The following AFM variants were observed in gnomAD, a reference collection of about 807,000 sequenced individuals.
AFM encodes alpha-Alb.
Under a neutral mutation model 68.7 loss-of-function variants are expected in AFM, and 82 were observed. The observed-to-expected ratio is 1.19, with a 90% CI of 1.00 to 1.43. AFM has a LOEUF of 1.43. Among genes scored for constraint, AFM ranks in the 40% most tolerant of loss-of-function variants. The pLI is 0.00. For missense variants in AFM, 772 were observed against 701.8 expected, an observed-to-expected ratio of 1.10 and a Z score of -1.13; for synonymous variants, 250 against 234.2, an observed-to-expected ratio of 1.07 and a Z score of -0.61.
chr4:73,486,040 C>T lies in AFM; in HGVS notation c.449C>T (p.Ala150Val), dbSNP rs1720893684. 6.2e-7 allele frequency: 1 copy of T among 1,613,782 alleles called. No homozygotes were observed. The highest frequency in any genetic ancestry group is 1.7e-5 in the Admixed American group (1 of 59,976). The stretch of plus-strand genomic sequence containing the variant: ...CTGGATCCCGAAGAGAAATGCCAGG[C>T]TTATGAAAGTAACAGAGAATCCCTT... ...PTLDPEEKCQ[A>V]YESNRESLLN... is the part of the protein sequence containing the mutation. Residue 150 changes from alanine (A) to valine (V), a missense_variant, in exon 4 of 15, where the codon GCT becomes GTT. Physicochemically the swap from Ala to Val is moderately conservative, Grantham distance 64. Transcript: ENST00000226355.
chr4:73,501,940 C>T (rs772303345), intron 13 of AFM, 21 bp downstream of exon 13: 3 of 1,607,638 alleles, frequency 1.9e-6, no homozygotes, highest in Admixed American at 1.7e-5. Flanking sequence ...TTCTTTTCTA[C>T]TGAAATTCAA....
At chr4:73,486,924 C>T in intron 4 of AFM, 43 bp from the exon 5 acceptor site, 1 of 1,581,746 alleles carries the variant, frequency 6.3e-7, no homozygotes, top group South Asian at 1.1e-5. Flanking sequence ...CTTCCTGTTT[C>T]TTCCCTCACC....
Position 73,497,769 on chromosome 4 carries a change from G to GTTAGCCCACTTGT in AFM, c.1289+20_1289+21insTTAGCCCACTTGT. ...ATACCAGTATGTTGTTTGCACAAGT[G>GTTAGCCCACTTGT]GGCTAACACTTGCCACTAGAATTGA... On this transcript the variant is annotated intron_variant, in intron 10 of 14. Transcript: ENST00000226355. 3 of 1,473,348 alleles carry GTTAGCCCACTTGT rather than the reference G, an allele frequency of 2.0e-6. No individual in the cohort carries two copies. Among genetic ancestry groups the GTTAGCCCACTTGT allele is most frequent in the Non-Finnish European group, 2.8e-6 (3 of 1,067,780 alleles). The allele number at this position is 1,473,348 out of a possible 1,614,324, so 91.3% of individuals were successfully genotyped here. A position where few individuals can be genotyped will look rare whatever the true frequency, so the allele number is the denominator to read the frequency against.
In AFM at chr4:73,484,297, C is replaced by A. The variant is rs1205308933; in HGVS notation, c.177C>A (p.Thr59=). 1.2e-6 allele frequency: 2 copies of A among 1,613,294 alleles called. No individual in the cohort carries two copies. Among genetic ancestry groups the A allele is most frequent in the Non-Finnish European group, 1.7e-6 (2 of 1,179,750 alleles). The change falls in exon 3 of 15, where the codon ACC becomes ACA. Residue 59 remains threonine, a synonymous_variant. Coordinates refer to ENST00000226355, the MANE Select transcript of AFM (RefSeq NM_001133.2). ...IAFAQYVQEA[T]FEEMEKLVKD... ...TTGCTCAGTATGTTCAGGAAGCAACCTTTGAAGAAATGGAAAAGCTGGTGA... is the reference window on the plus strand; with the variant it reads ...TTGCTCAGTATGTTCAGGAAGCAACATTTGAAGAAATGGAAAAGCTGGTGA...
chr4:73,484,261 C>T lies in AFM; in HGVS notation c.141C>T (p.Thr47=). Residue 47 remains threonine (T), a synonymous_variant, in exon 3 of 15, where the codon ACC becomes ACT. Coordinates refer to ENST00000226355, the MANE Select transcript of AFM (RefSeq NM_001133.2). ...TACCCCATGTGAACTGTTGCAGCAC[C>T]ATCATTGCATTTGCTCAGTATGTTC... The part of the protein sequence containing the change: ...KFIEDNIEYI[T]IIAFAQYVQE... The T allele has an allele frequency of 1.9e-6, 3 of 1,607,578 alleles. No homozygotes were observed. Among genetic ancestry groups the T allele is most frequent in the Non-Finnish European group, 2.5e-6 (3 of 1,178,184 alleles).
At chr4:73,498,996 T>C in intron 10 of AFM, 118 bp from the exon 11 acceptor site, 3 of 987,462 alleles carry the variant, frequency 3.0e-6, no homozygotes, top group Non-Finnish European at 2.9e-6. Context: ...AGAGCTAAGG[T>C]TCATGTTGCA....
chr4:73,491,476 C>G (rs943085156), intron 7 of AFM, among the ~76,000 whole-genome samples: 1 of 152,058 alleles, frequency 6.6e-6, no homozygotes, highest in African/African-American at 2.4e-5. Flanking sequence ...CAAGAGAAGA[C>G]CAGGATTATA....
chr4:73,492,656 A>G (rs182377968), intron 8 of AFM, among the ~76,000 whole-genome samples: 2 of 151,326 alleles, frequency 1.3e-5, no homozygotes, highest in East Asian at 3.9e-4. Context: ...AAATTCATAT[A>G]AGAATACTCA....
chr4:73,482,814 AT>A (rs1720750788), intron 1 of AFM, among the ~76,000 whole-genome samples: 1 of 151,950 alleles, frequency 6.6e-6, no homozygotes, highest in Non-Finnish European at 1.5e-5. Context: ...ACCTTTTTCT[AT>A]TTGTCTGGCA....
intron 1 of AFM, among the ~76,000 whole-genome samples, chr4:73,483,312 G>A (rs1350726322): frequency 6.6e-6 from 1 of 152,142 alleles, no homozygotes; most frequent in Non-Finnish European, 1.5e-5. Flanking sequence ...CTATTAGAGA[G>A]CAGCTTAGGA....
chr4:73,503,164 T>C, intron 14 of AFM, 54 bp downstream of exon 14: 1 of 1,366,242 alleles, frequency 7.3e-7, no homozygotes, highest in Non-Finnish European at 1.0e-6. Flanking sequence ...TTATCTGATC[T>C]CCTTGCCTTT....
In AFM at chr4:73,483,929, C is replaced by A. The variant is rs2149342270; in HGVS notation, c.89-12C>A. 1 of 1,516,974 alleles carries A rather than the reference C, an allele frequency of 6.6e-7. No individual in the cohort carries two copies. Among genetic ancestry groups the A allele is most frequent in the East Asian group, 2.3e-5 (1 of 43,588 alleles). The allele number at this position is 1,516,974 out of a possible 1,614,324, so 94.0% of individuals were successfully genotyped here. A position where few individuals can be genotyped will look rare whatever the true frequency, so the allele number is the denominator to read the frequency against. On this transcript the variant is annotated splice_polypyrimidine_tract_variant and intron_variant, in intron 1 of 14. Coordinates refer to ENST00000226355, the MANE Select transcript of AFM (RefSeq NM_001133.2). ...CATGCTATGTAATAACCTAAATATT[C>A]TTGCTTTTCAGAGAACTTCAATAGT...
intron 6 of AFM, 145 bp downstream of exon 6, chr4:73,487,966 G>A (rs1295487836): frequency 1.8e-6 from 1 of 560,918 alleles, no homozygotes; most frequent in Admixed American, 3.1e-5. Context: ...AGACAGCTCA[G>A]GACCAGGACA....
At chr4:73,501,682 AC>A in intron 12 of AFM, 104 bp from the exon 13 acceptor site, 1 of 1,296,170 alleles carries the variant, frequency 7.7e-7, no homozygotes, top group Middle Eastern at 2.1e-4. Context: ...CTTTACCCAC[AC>A]CCAAGCTGAG....
chr4:73,495,436 G>T lies in AFM; in HGVS notation c.1191+4G>T, dbSNP rs751326107. 5.6e-6 allele frequency: 9 copies of T among 1,605,296 alleles called. No homozygotes were observed. The highest frequency in any genetic ancestry group is 7.6e-6 in the Non-Finnish European group (9 of 1,177,966). ...TCCAGGTTGTTACCGTTACGCGGTAGGTTCCATTGTTGTAGGTTCAGAAAA... is the reference window on the plus strand; with the variant it reads ...TCCAGGTTGTTACCGTTACGCGGTATGTTCCATTGTTGTAGGTTCAGAAAA... On this transcript the variant is annotated splice_donor_region_variant and intron_variant, in intron 9 of 14. Transcript: ENST00000226355.
chr4:73,497,542 A>T, intron 9 of AFM, 110 bp from the exon 10 acceptor site: 1 of 605,980 alleles, frequency 1.7e-6, no homozygotes, highest in South Asian at 4.0e-5. Context: ...TGTAATAATG[A>T]GAATTTGAAA....
intron 13 of AFM, among the ~76,000 whole-genome samples, chr4:73,502,132 G>T (rs1265117120): frequency 6.6e-6 from 1 of 152,202 alleles, no homozygotes; most frequent in African/African-American, 2.4e-5. Context: ...GACCTGGGTT[G>T]TAACCCCAGC....
chr4:73,499,048 G>A, intron 10 of AFM, 66 bp from the exon 11 acceptor site: 1 of 1,550,552 alleles, frequency 6.4e-7, no homozygotes. Context: ...CTGGGCTTCA[G>A]CAGTAATTCA....
chr4:73,490,244 T>C (rs1011268297), intron 7 of AFM, among the ~76,000 whole-genome samples: 15 of 151,288 alleles, frequency 9.9e-5, no homozygotes, highest in Middle Eastern at 3.5e-3. Context: ...ACAGTGAAGA[T>C]AGCATGTCAA....
Sources: allele counts gnomAD v4.1 joint callset (sites outside exome capture counted in the v4.1 genomes callset), GRCh38; gene constraint gnomAD v4.1.1; transcripts MANE v1.5; gene names NCBI Gene and HGNC (gene_info 2026-07-23, HGNC 2026-07-21).